Variants in CD226 observed in about 807,000 individuals in gnomAD.
CD226 encodes CD226 antigen.
In CD226, 24 loss-of-function variants were observed where a neutral mutation model predicts 34.9. The observed-to-expected ratio is 0.69, with a 90% CI of 0.50 to 0.97. The LOEUF is 0.97. CD226 is among the 50% of genes least tolerant of loss of function. The pLI is 0.00. For synonymous variants in CD226, 148 were observed against 147.4 expected, an observed-to-expected ratio of 1.00 and a Z score of -0.03; for missense variants, 397 against 412.7, an observed-to-expected ratio of 0.96 and a Z score of 0.33.
intron 3 of CD226, among the ~76,000 whole-genome samples, chr18:69,881,346 A>C (rs1422726794): frequency 2.6e-5 from 4 of 152,340 alleles, no homozygotes; most frequent in Non-Finnish European, 5.9e-5. Flanking sequence ...ACAAATATTC[A>C]ACCTTTGTCC....
At chr18:69,874,759 CAAAT>C (rs143768499) in intron 3 of CD226, among the ~76,000 whole-genome samples, 5,571 of 152,276 alleles carry the variant, frequency 0.037, 121 homozygotes, top group South Asian at 0.054. Flanking sequence ...GAAACTAAGA[CAAAT>C]AAGCAAACAT....
intron 2 of CD226, among the ~76,000 whole-genome samples, chr18:69,902,261 C>T (rs1368979617): frequency 2.0e-5 from 3 of 152,108 alleles, no homozygotes; most frequent in Non-Finnish European, 4.4e-5. Context: ...AACTTTGGAC[C>T]TTTTGGCGCC....
At chr18:69,879,900 C>T (rs746377864) in intron 3 of CD226, among the ~76,000 whole-genome samples, 3 of 152,180 alleles carry the variant, frequency 2.0e-5, no homozygotes, top group Non-Finnish European at 2.9e-5. Flanking sequence ...AGCTCCAAAA[C>T]GGAGCCACTG....
intron 2 of CD226, among the ~76,000 whole-genome samples, chr18:69,898,157 A>G (rs1462323598): frequency 6.6e-6 from 1 of 152,212 alleles, no homozygotes; most frequent in African/African-American, 2.4e-5. Context: ...TGACAACATA[A>G]AATCAGATGC....
chr18:69,865,853 A>G (rs1983108935), intron 5 of CD226, among the ~76,000 whole-genome samples: 1 of 152,224 alleles, frequency 6.6e-6, no homozygotes, highest in African/African-American at 2.4e-5. Context: ...GTTAAAATGA[A>G]AAGAAATTTA....
At chr18:69,934,279 T>TACACACACACACACACACAC (rs760259895) in intron 2 of CD226, among the ~76,000 whole-genome samples, 2 of 73,102 alleles carry the variant, frequency 2.7e-5, no homozygotes, top group African/African-American at 5.4e-5. Context: ...ACACAGAGGA[T>TACACACACACACACACACAC]ACACACACAC....
chr18:69,890,323 G>A (rs1984816242), intron 3 of CD226, among the ~76,000 whole-genome samples: 3 of 152,158 alleles, frequency 2.0e-5, no homozygotes, highest in Admixed American at 1.3e-4. Flanking sequence ...CAGGCCAGGT[G>A]TGGTGGTTCA....
At chr18:69,957,350 C>CA (rs1555686532), upstream of CD226, among the ~76,000 whole-genome samples, 5 of 149,464 alleles carry the variant, frequency 3.3e-5, 1 homozygote, top group African/African-American at 1.2e-4. Flanking sequence ...TCTAGATACT[C>CA]TTTTTTTTTT....
chr18:69,882,811 AT>A (rs759462235), intron 3 of CD226, among the ~76,000 whole-genome samples: 7 of 152,302 alleles, frequency 4.6e-5, no homozygotes, highest in Non-Finnish European at 1.0e-4. Flanking sequence ...CCACAGGCAC[AT>A]GCCACCAGGC....
chr18:69,864,473 T>A, intron 5 of CD226, 34 bp from the exon 6 acceptor site: 1 of 1,603,044 alleles, frequency 6.2e-7, no homozygotes, highest in Non-Finnish European at 8.5e-7. Context: ...TGTCAATAAT[T>A]CACTGCATTT....
chr18:69,898,869 G>A (rs1053352351), intron 2 of CD226, among the ~76,000 whole-genome samples: 2 of 152,210 alleles, frequency 1.3e-5, no homozygotes, highest in South Asian at 4.2e-4. Context: ...AGAGAACCGT[G>A]GGATCCTGAT....
At chr18:69,926,934 A>G (rs542128573) in intron 2 of CD226, among the ~76,000 whole-genome samples, 1 of 152,364 alleles carries the variant, frequency 6.6e-6, no homozygotes, top group South Asian at 2.1e-4. Context: ...AACAATAGAT[A>G]GCAGGAATTT....
intron 2 of CD226, among the ~76,000 whole-genome samples, chr18:69,930,137 CA>C (rs1230178979): frequency 2.0e-5 from 3 of 152,050 alleles, no homozygotes; most frequent in Non-Finnish European, 4.4e-5. Flanking sequence ...ATCAGACTTT[CA>C]GGTAAAAGCA....
intron 2 of CD226, among the ~76,000 whole-genome samples, chr18:69,908,953 CACCTTA>C (rs2055289933): frequency 6.6e-6 from 1 of 152,178 alleles, no homozygotes; most frequent in South Asian, 2.1e-4. Flanking sequence ...CCTGTGATGC[CACCTTA>C]TCCTGTGATG....
chr18:69,880,352 GAAA>G (rs61120793), intron 3 of CD226, among the ~76,000 whole-genome samples: 6,796 of 111,588 alleles, frequency 0.061, 289 homozygotes, highest in African/African-American at 0.12. Context: ...AAGAAAGAAA[GAAA>G]GAAAGGAAGG....
chr18:69,873,269 T>G, intron 3 of CD226, 23 bp from the exon 4 acceptor site: 1 of 1,231,740 alleles, frequency 8.1e-7, no homozygotes, highest in South Asian at 1.3e-5. Context: ...AAAAATATTG[T>G]AGGAATTAGG....
chr18:69,931,216 A>T (rs1368685538), intron 2 of CD226, among the ~76,000 whole-genome samples: 1 of 151,914 alleles, frequency 6.6e-6, no homozygotes, highest in Non-Finnish European at 1.5e-5. Flanking sequence ...GGAACATCAC[A>T]CACCAGGAAC....
At chr18:69,902,931 T>G (rs1390091745) in intron 2 of CD226, among the ~76,000 whole-genome samples, 1 of 152,070 alleles carries the variant, frequency 6.6e-6, no homozygotes, top group Non-Finnish European at 1.5e-5. Context: ...TTCTACAAAC[T>G]CTTACTAGTC....
At chr18:69,889,498 A>AC (rs1276096630) in intron 3 of CD226, among the ~76,000 whole-genome samples, 2 of 152,128 alleles carry the variant, frequency 1.3e-5, no homozygotes, top group African/African-American at 2.4e-5. Flanking sequence ...AAAAAAAAAA[A>AC]AAAACTGTCT....
Sources: allele counts gnomAD v4.1 joint callset (sites outside exome capture counted in the v4.1 genomes callset), GRCh38; gene constraint gnomAD v4.1.1; transcripts MANE v1.5; gene names NCBI Gene and HGNC (gene_info 2026-07-23, HGNC 2026-07-21).